Variants in IFT25 observed in about 807,000 individuals in gnomAD.
The protein encoded by IFT25 is intraflagellar transport protein 25 homolog.
the IFT25 span, chr1:53,929,922 A>T: frequency 1.5e-6 from 2 of 1,369,168 alleles, no homozygotes; most frequent in Non-Finnish European, 1.9e-6. Flanking sequence ...TTTTGCCAAA[A>T]GTTTACATAT....
At chr1:53,930,179 C>A in the IFT25 span, 2 of 1,521,260 alleles carry the variant, frequency 1.3e-6, no homozygotes, top group Non-Finnish European at 1.8e-6. Context: ...ATAAGAATAG[C>A]CAAATATAAA....
the IFT25 span, among the ~76,000 whole-genome samples, chr1:53,935,266 T>C: frequency 2.6e-5 from 4 of 152,152 alleles, no homozygotes; most frequent in East Asian, 5.8e-4. Context: ...TGAGACAAGA[T>C]TGCGCCACTG....
chr1:53,928,234 T>C, the IFT25 span: 2 of 629,512 alleles, frequency 3.2e-6, no homozygotes, highest in East Asian at 2.8e-5. Flanking sequence ...CAAACCTGGG[T>C]CTTTCTAGAC....
At chr1:53,941,981 A>G in the IFT25 span, among the ~76,000 whole-genome samples, 2 of 152,190 alleles carry the variant, frequency 1.3e-5, no homozygotes, top group African/African-American at 4.8e-5. Context: ...GAGTGGCTAT[A>G]CTCAAAGAAT....
chr1:53,934,471 A>C, the IFT25 span, among the ~76,000 whole-genome samples: 1 of 152,210 alleles, frequency 6.6e-6, no homozygotes, highest in Non-Finnish European at 1.5e-5. Flanking sequence ...TGACTAAGAT[A>C]CAATGTCTGT....
At chr1:53,923,815 A>G in the IFT25 span, 2 of 825,176 alleles carry the variant, frequency 2.4e-6, no homozygotes, top group South Asian at 2.8e-5. Flanking sequence ...TATCATGAGG[A>G]AATTTATTAA....
At chr1:53,928,079 T>C in the IFT25 span, among the ~76,000 whole-genome samples, 29 of 152,206 alleles carry the variant, frequency 1.9e-4, no homozygotes, top group African/African-American at 6.5e-4. Context: ...ATATTTATTG[T>C]CTATTATATG....
chr1:53,945,272 T>G, the IFT25 span, among the ~76,000 whole-genome samples: 2 of 152,222 alleles, frequency 1.3e-5, no homozygotes, highest in African/African-American at 4.8e-5. Context: ...TTTGGTAGAC[T>G]AATTAATTTC....
At chr1:53,932,039 T>G in the IFT25 span, among the ~76,000 whole-genome samples, 1 of 152,242 alleles carries the variant, frequency 6.6e-6, no homozygotes, top group African/African-American at 2.4e-5. Context: ...TGTTACATTT[T>G]CAACGTCATT....
At chr1:53,930,036 T>G in the IFT25 span, 1 of 1,545,788 alleles carries the variant, frequency 6.5e-7, no homozygotes, top group Non-Finnish European at 8.6e-7. Context: ...AAGATTTGCT[T>G]ACCAAAGTAA....
the IFT25 span, chr1:53,928,352 A>G: frequency 6.3e-7 from 1 of 1,585,724 alleles, no homozygotes; most frequent in Non-Finnish European, 8.7e-7. Context: ...TGCTCAGAAC[A>G]ATGCTGGTGA....
At chr1:53,921,665 T>C in the IFT25 span, 3 of 1,596,718 alleles carry the variant, frequency 1.9e-6, no homozygotes, top group African/African-American at 1.3e-5. Flanking sequence ...GAGGAAAGAT[T>C]TGAGACTACT....
At chr1:53,939,779 T>C in the IFT25 span, 1 of 501,484 alleles carries the variant, frequency 2.0e-6, no homozygotes, top group South Asian at 3.0e-5. Context: ...AAGAGTTCAG[T>C]TTAGGCATTA....
the IFT25 span, among the ~76,000 whole-genome samples, chr1:53,930,418 T>G: frequency 6.6e-6 from 1 of 152,218 alleles, no homozygotes; most frequent in Non-Finnish European, 1.5e-5. Context: ...CTCCTTCGTA[T>G]GGCATTTAAG....
At chr1:53,944,461 A>G in the IFT25 span, among the ~76,000 whole-genome samples, 1 of 152,204 alleles carries the variant, frequency 6.6e-6, no homozygotes, top group Admixed American at 6.5e-5. Flanking sequence ...CCTGACCAAC[A>G]TGGTGAAACC....
chr1:53,929,898 A>C, the IFT25 span: 2 of 1,281,392 alleles, frequency 1.6e-6, no homozygotes, highest in Non-Finnish European at 2.0e-6. Flanking sequence ...CCATGCTATA[A>C]AGAAAAACTA....
chr1:53,939,967 A>T, the IFT25 span: 1 of 1,418,142 alleles, frequency 7.1e-7, no homozygotes, highest in Non-Finnish European at 1.0e-6. Flanking sequence ...GTAAACAACA[A>T]AGTATAGTAA....
At chr1:53,931,545 A>G in the IFT25 span, among the ~76,000 whole-genome samples, 2 of 152,240 alleles carry the variant, frequency 1.3e-5, no homozygotes, top group Admixed American at 6.5e-5. Context: ...TTTAATTTCC[A>G]TAATAGATAT....
At chr1:53,922,368 T>C in the IFT25 span, among the ~76,000 whole-genome samples, 4 of 146,958 alleles carry the variant, frequency 2.7e-5, no homozygotes, top group Middle Eastern at 3.3e-3. Context: ...CACTCCAGCC[T>C]GGGCAACAAG....
Sources: gnomAD v4.1 joint callset for allele counts (sites outside exome capture counted in the v4.1 genomes callset) on GRCh38, gnomAD v4.1.1 for gene constraint, MANE v1.5 for transcripts, NCBI Gene and HGNC (gene_info 2026-07-23, HGNC 2026-07-21) for gene names.